SMC1B: variants seen among roughly 807,000 people sequenced by gnomAD.
The protein encoded by SMC1B is structural maintenance of chromosomes 1B, also known as structural maintenance of chromosomes protein 1B.
In SMC1B, 60 loss-of-function variants were observed where a neutral mutation model predicts 157.9. The observed-to-expected ratio is 0.38, with a 90% CI of 0.31 to 0.47. SMC1B has a LOEUF of 0.47. Among genes scored for constraint, SMC1B ranks in the 20% least tolerant of loss-of-function variants. SMC1B has a pLI of 0.99. For synonymous variants in SMC1B, 445 were observed against 483.0 expected, an observed-to-expected ratio of 0.92 and a Z score of 1.03; for missense variants, 1,165 against 1,426.2, an observed-to-expected ratio of 0.82 and a Z score of 2.95.
chr22:45,371,535 A>G lies in SMC1B; in HGVS notation c.2249T>C (p.Met750Thr). Reference protein sequence around the residue: ...ELLNIESQCIMLSEGIKERQR... With the variant: ...ELLNIESQCITLSEGIKERQR... ...TCGTTCCTTGATTCCTTCACTCAAC[A>G]TAATACATTGAGACTCAATATTTAG... Residue 750 changes from methionine to threonine, a missense_variant, in exon 14 of 25, where the codon ATG becomes ACG. Coordinates refer to ENST00000357450, the MANE Select transcript of SMC1B (RefSeq NM_148674.5). 6.3e-7 allele frequency: 1 copy of G among 1,599,288 alleles called. No individual in the cohort carries two copies. Among genetic ancestry groups the G allele is most frequent in the Non-Finnish European group, 8.5e-7 (1 of 1,174,644 alleles).
At chr22:45,353,827 T>C (rs1202665097) in intron 21 of SMC1B, 151 bp downstream of exon 21, 1 of 618,010 alleles carries the variant, frequency 1.6e-6, no homozygotes, top group African/African-American at 2.0e-5. Context: ...AGATAACCAC[T>C]CTTCATGAAC....
intron 24 of SMC1B, 56 bp from the exon 25 acceptor site, chr22:45,344,713 AAAGT>A: frequency 1.7e-6 from 2 of 1,207,228 alleles, no homozygotes; most frequent in Non-Finnish European, 2.5e-6. Flanking sequence ...AAGTATTATT[AAAGT>A]AAGAGCCATT....
chr22:45,369,405 A>T (rs2086808091), intron 15 of SMC1B, among the ~76,000 whole-genome samples: 1 of 151,284 alleles, frequency 6.6e-6, no homozygotes, highest in Admixed American at 6.6e-5. Context: ...CTATTGTCTT[A>T]TTCTTTTAAT....
intron 19 of SMC1B, among the ~76,000 whole-genome samples, chr22:45,357,826 G>C (rs547932112): frequency 1.3e-5 from 2 of 152,316 alleles, no homozygotes; most frequent in Middle Eastern, 6.8e-3. Context: ...CTGAGTGGTA[G>C]GAGTGAGAGG....
rs1489970752 is a variant in SMC1B, at chr22:45,408,892, G to C, written c.116C>G (p.Ser39Cys). The C allele has an allele frequency of 6.7e-7, 1 of 1,492,420 alleles. No individual in the cohort carries two copies. The highest frequency in any genetic ancestry group is 1.4e-5 in the African/African-American group (1 of 69,522). 92.4% of individuals were successfully genotyped at this position (1,492,420 alleles called of 1,614,324 possible). The stretch of plus-strand genomic sequence containing the variant: ...AAAACTAAGTGCATCCATTACATTA[G>C]ATTTTCCTGGGGAAGAAAAGAGATA... ...CIIGPNGSGK[S>C]NVMDALSFVM... The change falls in exon 2 of 25, where the codon TCT becomes TGT. Residue 39 changes from serine to cysteine, a missense_variant. Ser to Cys is a moderately radical substitution (Grantham distance 112). Transcript: ENST00000357450.
intron 1 of SMC1B, 146 bp downstream of exon 1, chr22:45,413,313 G>GCA: frequency 1.6e-6 from 1 of 624,192 alleles, no homozygotes; most frequent in Non-Finnish European, 2.8e-6. Context: ...GGCCAGGCCG[G>GCA]GATCCGGTCG....
At chr22:45,392,163 G>A (rs998341175) in intron 9 of SMC1B, among the ~76,000 whole-genome samples, 5 of 152,020 alleles carry the variant, frequency 3.3e-5, no homozygotes, top group African/African-American at 9.7e-5. Flanking sequence ...TGGCCAGGCT[G>A]GTCTCAAACT....
chr22:45,378,937 G>C (rs1369488512), intron 12 of SMC1B, among the ~76,000 whole-genome samples: 1 of 151,914 alleles, frequency 6.6e-6, no homozygotes, highest in Non-Finnish European at 1.5e-5. Context: ...CTTTTTGTTT[G>C]CATTTGTCAG....
intron 10 of SMC1B, among the ~76,000 whole-genome samples, chr22:45,388,029 TCAAAAAAAAAAACAG>T (rs2087009110): frequency 9.6e-6 from 1 of 104,158 alleles, no homozygotes; most frequent in Non-Finnish European, 1.9e-5. Context: ...TGAGCCTCTG[TCAAAAAAAAAAACAG>T]CAAAAAAAAC....
rs57185919 is a variant in SMC1B, at chr22:45,360,973, CTT to C, written c.2708+864_2708+865del. On this transcript the variant is annotated intron_variant, in intron 17 of 24. Transcript: ENST00000357450. ...ACACAAGCTAATCTTGTGCCAGGTA[CTT>C]TTTTTTTTTTTTTTGAGACAGAGTT... 6.6e-3 allele frequency among the ~76,000 whole-genome samples: 938 copies of C among 142,988 alleles called. 4 individuals carry two copies. The highest frequency in any genetic ancestry group is 8.8e-3 in the African/African-American group (341 of 38,904). 93.8% of individuals were successfully genotyped at this position (142,988 alleles called of 152,430 possible). A position where few individuals can be genotyped will look rare whatever the true frequency, so the allele number is the denominator to read the frequency against.
intron 23 of SMC1B, among the ~76,000 whole-genome samples, chr22:45,347,434 T>A (rs1243563014): frequency 6.6e-6 from 1 of 152,108 alleles, no homozygotes; most frequent in African/African-American, 2.4e-5. Flanking sequence ...GTACCTCAGG[T>A]TGCAGCTACC....
intron 4 of SMC1B, among the ~76,000 whole-genome samples, chr22:45,404,010 C>T (rs1055856746): frequency 3.3e-5 from 5 of 152,148 alleles, no homozygotes; most frequent in African/African-American, 7.2e-5. Context: ...GGTGCAATCT[C>T]GGCTCACTGC....
chr22:45,363,134 T>A lies in SMC1B; in HGVS notation c.2421-108A>T, dbSNP rs2086737913. The A allele has an allele frequency of 4.0e-6, 3 of 752,262 alleles. No homozygotes were observed. The East Asian group carries it at 9.0e-5, about 23-fold the overall frequency. 46.6% of individuals were successfully genotyped at this position (752,262 alleles called of 1,614,324 possible). ...TATAAAAGTAAAAGGAATACTATAA[T>A]GAACTCCCAAGTAGCTGTCACCCAA... On this transcript the variant is annotated intron_variant, in intron 15 of 24. Coordinates refer to ENST00000357450, the MANE Select transcript of SMC1B (RefSeq NM_148674.5).
At chr22:45,371,129 TA>T (rs1245050541) in intron 14 of SMC1B, among the ~76,000 whole-genome samples, 1 of 152,166 alleles carries the variant, frequency 6.6e-6, no homozygotes, top group Non-Finnish European at 1.5e-5. Context: ...CCTGAGTGAA[TA>T]AATAACCTTA....
Position 45,344,366 on chromosome 22 carries a change from T to A in SMC1B, c.*190A>T. ...TTGACACCAGCTCTCACTGAAAACT[T>A]TCCCTACTAGAATGAGGTCTGAACA... On this transcript the variant is annotated 3_prime_UTR_variant, in exon 25 of 25. Transcript: ENST00000357450. 1 of 409,728 alleles carries A rather than the reference T, an allele frequency of 2.4e-6. No homozygotes were observed. The allele number at this position is 409,728 out of a possible 1,614,324, so 25.4% of individuals were successfully genotyped here. A position where few individuals can be genotyped will look rare whatever the true frequency, so the allele number is the denominator to read the frequency against.
chr22:45,348,371 G>T (rs2086573226), intron 23 of SMC1B, among the ~76,000 whole-genome samples: 1 of 152,142 alleles, frequency 6.6e-6, no homozygotes, highest in African/African-American at 2.4e-5. Flanking sequence ...TGGTAACATG[G>T]TGAAACCCCA....
chr22:45,378,144 A>T lies in SMC1B; in HGVS notation c.2058+5323T>A, dbSNP rs180749269. Among the ~76,000 whole-genome samples, 46 of 152,006 alleles carry T rather than the reference A, an allele frequency of 3.0e-4. 2 individuals are homozygous for T. The East Asian group carries it at 8.7e-3, about 29-fold the overall frequency. ...TAGTAATGTAGACATTTTCCTCTTG[A>T]TGTAGCTTTTACTGTGTCTCAAAGA... On this transcript the variant is annotated intron_variant, in intron 12 of 24. Coordinates refer to ENST00000357450, the MANE Select transcript of SMC1B (RefSeq NM_148674.5).
intron 13 of SMC1B, 94 bp from the exon 14 acceptor site, chr22:45,371,681 A>C: frequency 7.2e-7 from 1 of 1,381,666 alleles, no homozygotes; most frequent in South Asian, 1.4e-5. Flanking sequence ...GAATAAAAGA[A>C]GAATCTATGA....
At chr22:45,383,179 T>C (rs1292431028) in intron 12 of SMC1B, among the ~76,000 whole-genome samples, 4 of 151,498 alleles carry the variant, frequency 2.6e-5, no homozygotes, top group Non-Finnish European at 4.4e-5. Flanking sequence ...GCAAACACTA[T>C]TTATAGCAAC....
Sources: allele counts gnomAD v4.1 joint callset (sites outside exome capture counted in the v4.1 genomes callset), GRCh38; gene constraint gnomAD v4.1.1; transcripts MANE v1.5; gene names NCBI Gene and HGNC (gene_info 2026-07-23, HGNC 2026-07-21).